PRKCE: variants seen among roughly 807,000 people sequenced by gnomAD.
PRKCE encodes the protein protein kinase C epsilon type.
A neutral mutation model predicts 85.4 loss-of-function variants in PRKCE; 16 were observed. The observed-to-expected ratio is 0.19, with a 90% CI of 0.13 to 0.28. The LOEUF (loss-of-function observed/expected upper bound fraction) is 0.28, where lower values mean the gene tolerates loss of function less well. Among genes scored for constraint, PRKCE ranks in the 10% least tolerant of loss-of-function variants. The pLI is 1.00. For synonymous variants in PRKCE, 388 were observed against 371.5 expected, an observed-to-expected ratio of 1.04 and a Z score of -0.51; for missense variants, 573 against 975.2, an observed-to-expected ratio of 0.59 and a Z score of 5.49.
At chr2:45,812,907 A>G (rs1309117277) in intron 1 of PRKCE, among the ~76,000 whole-genome samples, 2 of 152,240 alleles carry the variant, frequency 1.3e-5, no homozygotes, top group Non-Finnish European at 2.9e-5. Flanking sequence ...AAATGTTTAT[A>G]TATGGAGTGG....
At chr2:45,962,877 T>C (rs1345336151) in intron 2 of PRKCE, among the ~76,000 whole-genome samples, 3 of 152,146 alleles carry the variant, frequency 2.0e-5, no homozygotes. Context: ...TTAAAAGCAT[T>C]ATTGCTTTTG....
At position 46,185,097 on chromosome 2, in the gene PRKCE, T is replaced by A; in HGVS notation, c.*216T>A. 1 of 602,256 alleles carries A rather than the reference T, an allele frequency of 1.7e-6. No individual in the cohort carries two copies. The highest frequency in any genetic ancestry group is 2.9e-6 in the Non-Finnish European group (1 of 346,730). 37.3% of individuals were successfully genotyped at this position (602,256 alleles called of 1,614,324 possible). On this transcript the variant is annotated 3_prime_UTR_variant, in exon 15 of 15. Coordinates refer to ENST00000306156, the MANE Select transcript of PRKCE (RefSeq NM_005400.3). The surrounding 1 kb of genome is among the most constrained non-coding windows in gnomAD (Gnocchi z 4.7). The stretch of plus-strand genomic sequence containing the variant: ...CTCTCGGTTCTTGTCTCACCAGTAA[T>A]GCAGACTCATTGGGTCAGCAATTAG...
chr2:46,097,832 A>T (rs1208002273), intron 11 of PRKCE, among the ~76,000 whole-genome samples: 1 of 152,168 alleles, frequency 6.6e-6, no homozygotes, highest in Non-Finnish European at 1.5e-5. Flanking sequence ...CTTTATCCCA[A>T]ACTGATTCCA....
At chr2:46,031,591 CGTGTGTGTGT>C (rs58684318) in intron 10 of PRKCE, among the ~76,000 whole-genome samples, 2,406 of 144,106 alleles carry the variant, frequency 0.017, 56 homozygotes, top group African/African-American at 0.044. Flanking sequence ...ACATTCTGCT[CGTGTGTGTGT>C]GTGTGTGTGT....
At chr2:45,897,418 G>A (rs1340509404) in intron 2 of PRKCE, among the ~76,000 whole-genome samples, 5 of 152,116 alleles carry the variant, frequency 3.3e-5, no homozygotes, top group African/African-American at 1.2e-4. Flanking sequence ...TGGTCAGGTT[G>A]CCCATCTTGT....
At chr2:45,823,464 A>G (rs1407086229) in intron 1 of PRKCE, among the ~76,000 whole-genome samples, 1 of 152,256 alleles carries the variant, frequency 6.6e-6, no homozygotes, top group Admixed American at 6.5e-5. Flanking sequence ...AGATTAATGA[A>G]TTAAAGAATC....
chr2:46,128,648 G>T (rs191203274), intron 11 of PRKCE, among the ~76,000 whole-genome samples: 1 of 152,172 alleles, frequency 6.6e-6, no homozygotes, highest in Non-Finnish European at 1.5e-5. Flanking sequence ...TTTGGTAAAC[G>T]TTCCCTAATC....
At chr2:45,814,913 G>A (rs892740256) in intron 1 of PRKCE, among the ~76,000 whole-genome samples, 17 of 152,156 alleles carry the variant, frequency 1.1e-4, no homozygotes, top group African/African-American at 4.1e-4. Flanking sequence ...GGAGGCTGTG[G>A]CAATGTGACT....
At chr2:46,092,590 C>T (rs1280832458) in intron 11 of PRKCE, among the ~76,000 whole-genome samples, 1 of 152,158 alleles carries the variant, frequency 6.6e-6, no homozygotes, top group Non-Finnish European at 1.5e-5. Flanking sequence ...CCAGTCAGAA[C>T]CTCAGTGCAC....
chr2:45,924,884 G>A (rs967276603), intron 2 of PRKCE, among the ~76,000 whole-genome samples: 2 of 152,212 alleles, frequency 1.3e-5, no homozygotes, highest in Non-Finnish European at 2.9e-5. Flanking sequence ...CCAGGCCTGG[G>A]CTTGCAGGAA....
In PRKCE at chr2:45,652,548, C is replaced by T. The variant is rs1191167707; in HGVS notation, c.348+100C>T. On this transcript the variant is annotated intron_variant, in intron 1 of 14. Coordinates refer to ENST00000306156, the MANE Select transcript of PRKCE (RefSeq NM_005400.3). The surrounding 1 kb of genome is among the most constrained non-coding windows in gnomAD (Gnocchi z 7.7). ...GTAGGGCTCCGGGACTTATTGACGA[C>T]TGGGGTGTGTGTGCCTGTAAGTCTC... 1.4e-5 allele frequency: 16 copies of T among 1,158,928 alleles called. 1 individual carries two copies. Among genetic ancestry groups the T allele is most frequent in the South Asian group, 6.3e-5 (4 of 63,482 alleles). The allele number at this position is 1,158,928 out of a possible 1,614,324, so 71.8% of individuals were successfully genotyped here. A position where few individuals can be genotyped will look rare whatever the true frequency, so the allele number is the denominator to read the frequency against.
At chr2:46,095,206 A>G (rs1179074613) in intron 11 of PRKCE, among the ~76,000 whole-genome samples, 1 of 152,238 alleles carries the variant, frequency 6.6e-6, no homozygotes, top group Non-Finnish European at 1.5e-5. Context: ...GGGGAACCTC[A>G]GACTATCACT....
intron 1 of PRKCE, among the ~76,000 whole-genome samples, chr2:45,746,937 C>G (rs115528555): frequency 0.013 from 2,035 of 152,242 alleles, 45 homozygotes; most frequent in African/African-American, 0.047. Flanking sequence ...ACCTGTCTAG[C>G]CTCTTGCTAC....
At chr2:46,178,663 A>G (rs1478506100) in intron 14 of PRKCE, among the ~76,000 whole-genome samples, 1 of 152,188 alleles carries the variant, frequency 6.6e-6, no homozygotes, top group Non-Finnish European at 1.5e-5. Context: ...TTTTTCTTTT[A>G]GAATATTTAA....
intron 1 of PRKCE, among the ~76,000 whole-genome samples, chr2:45,805,199 A>G (rs113040548): frequency 7.2e-5 from 11 of 152,336 alleles, no homozygotes; most frequent in African/African-American, 2.4e-4. Flanking sequence ...TACGATTCCT[A>G]TCTTACAGAT....
At chr2:45,702,611 A>T (rs1678739677) in intron 1 of PRKCE, among the ~76,000 whole-genome samples, 1 of 152,336 alleles carries the variant, frequency 6.6e-6, no homozygotes, top group South Asian at 2.1e-4. Flanking sequence ...CATTTGTTGA[A>T]TAACTATTGA....
intron 2 of PRKCE, among the ~76,000 whole-genome samples, chr2:45,968,428 G>A (rs192419760): frequency 3.9e-5 from 6 of 152,112 alleles, no homozygotes; most frequent in African/African-American, 1.2e-4. Flanking sequence ...CTAAGCTAAG[G>A]GTATGCAAAG....
rs75666421 is a variant in PRKCE at position 45,926,419 on chromosome 2, C to G, written c.413-50010C>G. On this transcript the variant is annotated intron_variant, in intron 2 of 14. Coordinates refer to ENST00000306156, the MANE Select transcript of PRKCE (RefSeq NM_005400.3). ...GGTGAAATCAGTGAGTTAGGTGAGT[C>G]CCCCCCATCCTCAGGATCTTTTGTT... 8.8e-3 allele frequency among the ~76,000 whole-genome samples: 1,339 copies of G among 152,090 alleles called. 44 individuals carry two copies. The East Asian group carries it at 0.091, about 10-fold the overall frequency.
chr2:45,868,308 C>G (rs1389553846), intron 2 of PRKCE, among the ~76,000 whole-genome samples: 1 of 89,048 alleles, frequency 1.1e-5, no homozygotes, highest in Non-Finnish European at 2.2e-5. Flanking sequence ...ACCAAAATCC[C>G]CTTTCCTGTC....
Sources: allele counts gnomAD v4.1 joint callset (sites outside exome capture counted in the v4.1 genomes callset), GRCh38; gene constraint gnomAD v4.1.1; non-coding constraint Gnocchi (gnomAD v3.1); transcripts MANE v1.5; gene names NCBI Gene and HGNC (gene_info 2026-07-23, HGNC 2026-07-21).